The following MYOM2 variants were observed in gnomAD, a reference collection of about 807,000 sequenced individuals.
MYOM2 encodes the protein myomesin-2.
MYOM2 carries 254 observed loss-of-function variants against 187.6 expected under a neutral mutation model. The observed-to-expected ratio is 1.35, with a 90% CI of 1.22 to 1.50. The LOEUF is 1.50. Among genes scored for constraint, MYOM2 ranks in the 40% most tolerant of loss-of-function variants. The probability of loss-of-function intolerance (pLI) is 0.00; values close to 1 mark genes in which losing one functional copy is unlikely to be tolerated. For synonymous variants in MYOM2, 981 were observed against 753.8 expected (o/e 1.30, Z -4.94); for missense variants, 2,796 against 1,924.0 (o/e 1.45, Z -8.48).
At chr8:2,109,594 G>T in intron 25 of MYOM2, 63 bp downstream of exon 25, 3 of 1,508,290 alleles carry the variant, frequency 2.0e-6, no homozygotes, top group East Asian at 2.3e-5. Flanking sequence ...TGGTAGGTCA[G>T]TTACTGAATA....
intron 6 of MYOM2, among the ~76,000 whole-genome samples, chr8:2,062,090 G>A (rs918259315): frequency 1.3e-5 from 2 of 152,218 alleles, no homozygotes; most frequent in African/African-American, 4.8e-5. Flanking sequence ...CTGTGGAGTG[G>A]GTGGGCCCCC....
Position 2,114,835 on chromosome 8 carries a change from C to T in MYOM2, c.3181-1125C>T, listed in dbSNP as rs540671420. Among the ~76,000 whole-genome samples the T allele has an allele frequency of 2.0e-5, 3 of 152,064 alleles. No individual in the cohort carries two copies. In the East Asian group the frequency reaches 5.8e-4, roughly 29 times the overall value. ...GTCTTTCTCTGTTGCCCAAGCGATC[C>T]TCCTGCCTCAGCCTTCCCTGTAGCT... On this transcript the variant is annotated intron_variant, in intron 25 of 36. Coordinates refer to ENST00000262113, the MANE Select transcript of MYOM2 (RefSeq NM_003970.4).
intron 14 of MYOM2, among the ~76,000 whole-genome samples, chr8:2,087,753 G>A (rs555179187): frequency 2.0e-5 from 3 of 152,234 alleles, no homozygotes; most frequent in East Asian, 3.9e-4. Flanking sequence ...AGAGTAGCTG[G>A]GACCACAGGT....
At chr8:2,067,127 C>T (rs1044672485) in intron 6 of MYOM2, among the ~76,000 whole-genome samples, 15 of 152,278 alleles carry the variant, frequency 9.9e-5, no homozygotes, top group South Asian at 4.2e-4. Context: ...TTCTCGGACA[C>T]GTTCTTTCCC....
At chr8:2,128,997 G>A (rs941218762) in intron 31 of MYOM2, 130 bp from the exon 32 acceptor site, 14 of 592,026 alleles carry the variant, frequency 2.4e-5, no homozygotes, top group Admixed American at 1.1e-4. Flanking sequence ...GTGGCTGGCC[G>A]ACTTTATGAG....
intron 28 of MYOM2, among the ~76,000 whole-genome samples, chr8:2,122,738 C>T (rs1342388811): frequency 6.6e-6 from 1 of 152,174 alleles, no homozygotes; most frequent in Non-Finnish European, 1.5e-5. Context: ...AGTTTCTAGC[C>T]AGCGATTGAA....
chr8:2,093,927 A>T (rs1563050092), intron 16 of MYOM2, 43 bp from the exon 17 acceptor site: 2 of 1,594,368 alleles, frequency 1.3e-6, no homozygotes, highest in Non-Finnish European at 1.7e-6. Flanking sequence ...GGAGAGAAAA[A>T]GTGGAGCCTG....
intron 33 of MYOM2, 22 bp from the exon 34 acceptor site, chr8:2,141,119 C>T (rs1198677920): frequency 1.1e-5 from 17 of 1,608,326 alleles, no homozygotes; most frequent in African/African-American, 4.0e-5. Context: ...TGGTTAGTAA[C>T]GTATGAACTA....
At chr8:2,121,738 C>T (rs1797466081) in intron 28 of MYOM2, among the ~76,000 whole-genome samples, 1 of 152,168 alleles carries the variant, frequency 6.6e-6, no homozygotes, top group Non-Finnish European at 1.5e-5. Context: ...ACAGAGAAAC[C>T]ACAATCATAA....
chr8:2,116,157 C>A (rs760700974), intron 26 of MYOM2, 53 bp downstream of exon 26: 15 of 1,601,368 alleles, frequency 9.4e-6, no homozygotes, highest in African/African-American at 1.3e-5. Flanking sequence ...AAATGAAATT[C>A]TTTTGACTGG....
At chr8:2,120,680 T>TATAATATATATATATTATATATAATATAA in intron 28 of MYOM2, among the ~76,000 whole-genome samples, 1 of 48,300 alleles carries the variant, frequency 2.1e-5, no homozygotes, top group East Asian at 7.5e-4. Context: ...ATATATTATA[T>TATAATATATATATATTATATATAATATAA]TATATATAAA....
At chr8:2,101,465 C>A (rs147475965) in intron 20 of MYOM2, among the ~76,000 whole-genome samples, 3,684 of 152,340 alleles carry the variant, frequency 0.024, 69 homozygotes, top group Non-Finnish European at 0.036. Flanking sequence ...CTGCGCAAGC[C>A]AGCACCGAGC....
chr8:2,133,712 C>T (rs1315566051), intron 32 of MYOM2, among the ~76,000 whole-genome samples: 2 of 152,174 alleles, frequency 1.3e-5, no homozygotes, highest in African/African-American at 2.4e-5. Flanking sequence ...CCACCTGCCT[C>T]GGCCTCCCAA....
intron 24 of MYOM2, 36 bp from the exon 25 acceptor site, chr8:2,109,359 T>C (rs764532492): frequency 4.5e-6 from 7 of 1,569,048 alleles, no homozygotes; most frequent in Admixed American, 1.9e-5. Flanking sequence ...CAAGGATTCA[T>C]GCATTATTGA....
chr8:2,051,854 G>A (rs1313578450), intron 2 of MYOM2, among the ~76,000 whole-genome samples: 1 of 152,206 alleles, frequency 6.6e-6, no homozygotes, highest in East Asian at 1.9e-4. Context: ...GTTTGTTTAT[G>A]TGTGCACGCG....
In MYOM2 at chr8:2,057,308, C is replaced by G. The variant is rs374048931; in HGVS notation, c.264-40C>G. 5.3e-5 allele frequency: 84 copies of G among 1,571,886 alleles called. 2 individuals are homozygous for G. In the South Asian group the frequency reaches 7.9e-4, roughly 15 times the overall value. The stretch of plus-strand genomic sequence containing the variant: ...CCTTCGGGGGCCACGTGGTTTTCTT[C>G]GTGACTCCTGCAACTGAGGCTGCTT... On this transcript the variant is annotated intron_variant, in intron 3 of 36. Transcript: ENST00000262113.
intron 14 of MYOM2, among the ~76,000 whole-genome samples, chr8:2,086,764 G>A (rs1370628275): frequency 4.6e-5 from 7 of 152,214 alleles, no homozygotes; most frequent in Admixed American, 2.6e-4. Flanking sequence ...TGAGCTTGAG[G>A]GTTCTAGCGT....
intron 6 of MYOM2, among the ~76,000 whole-genome samples, chr8:2,066,469 G>C (rs1318227021): frequency 1.3e-5 from 2 of 152,206 alleles, no homozygotes; most frequent in Non-Finnish European, 2.9e-5. Context: ...TCGTTGTAGA[G>C]GAAGGGTTAG....
intron 17 of MYOM2, among the ~76,000 whole-genome samples, chr8:2,095,481 G>C (rs1034973524): frequency 6.6e-6 from 1 of 151,910 alleles, no homozygotes; most frequent in Non-Finnish European, 1.5e-5. Flanking sequence ...TTGTAGAGAT[G>C]GGGTTTTACT....
Sources: allele counts gnomAD v4.1 joint callset (sites outside exome capture counted in the v4.1 genomes callset), GRCh38; gene constraint gnomAD v4.1.1; transcripts MANE v1.5; gene names NCBI Gene and HGNC (gene_info 2026-07-23, HGNC 2026-07-21).